MROH2B: variants seen among roughly 807,000 people sequenced by gnomAD.
The protein encoded by MROH2B is maestro heat like repeat family member 2B.
MROH2B carries 177 observed loss-of-function variants against 208.6 expected under a neutral mutation model. That is an observed-to-expected ratio of 0.85 (90% CI 0.75 to 0.96). The LOEUF is 0.96. MROH2B is among the 40% of genes least tolerant of loss of function. The pLI is 0.00. For synonymous variants in MROH2B, 728 were observed against 659.0 expected, an observed-to-expected ratio of 1.10 and a Z score of -1.60; for missense variants, 2,002 against 1,878.7, an observed-to-expected ratio of 1.07 and a Z score of -1.21.
At chr5:41,019,091 AC>A in intron 24 of MROH2B, 73 bp from the exon 25 acceptor site, 3 of 1,572,122 alleles carry the variant, frequency 1.9e-6, no homozygotes, top group Non-Finnish European at 2.6e-6. Context: ...ATTCCCAAGA[AC>A]TGCCAATCAC....
chr5:41,055,931 A>G, intron 9 of MROH2B, 76 bp from the exon 10 acceptor site: 4 of 1,014,348 alleles, frequency 3.9e-6, no homozygotes, highest in South Asian at 3.9e-5. Flanking sequence ...GAGGAGGGAA[A>G]TTCACCATGA....
At chr5:41,065,782 A>G (rs77874695) in intron 3 of MROH2B, among the ~76,000 whole-genome samples, 6,807 of 152,144 alleles carry the variant, frequency 0.045, 174 homozygotes, top group Middle Eastern at 0.068. Context: ...TAAAAGTGCA[A>G]TCAAGTTACC....
chr5:41,010,089 A>C lies in MROH2B; in HGVS notation c.3136-10T>G. ...CTAAGATCTCCAATAGCTAAAGAGA[A>C]AAAAGCCAAGTCAAACATTAAGTTG... is the stretch of plus-strand genomic sequence containing the variant. On this transcript the variant is annotated splice_polypyrimidine_tract_variant and intron_variant, in intron 30 of 41. Coordinates refer to ENST00000399564, the MANE Select transcript of MROH2B (RefSeq NM_173489.5). The C allele has an allele frequency of 6.2e-7, 1 of 1,611,318 alleles. No homozygotes were observed. The highest frequency in any genetic ancestry group is 8.5e-7 in the Non-Finnish European group (1 of 1,178,666).
chr5:41,013,898 A>G (rs1741852699), intron 29 of MROH2B, among the ~76,000 whole-genome samples: 1 of 152,090 alleles, frequency 6.6e-6, no homozygotes, highest in Non-Finnish European at 1.5e-5. Flanking sequence ...CTTGTTTCTA[A>G]TTGCCTCATT....
intron 24 of MROH2B, among the ~76,000 whole-genome samples, chr5:41,024,256 C>A (rs1331636346): frequency 2.6e-5 from 4 of 152,114 alleles, no homozygotes; most frequent in Non-Finnish European, 5.9e-5. Flanking sequence ...GATAAAGAGT[C>A]AAGACCCACC....
At chr5:41,018,513 C>G in intron 26 of MROH2B, 83 bp from the exon 27 acceptor site, 1 of 1,502,676 alleles carries the variant, frequency 6.7e-7, no homozygotes, top group Admixed American at 2.0e-5. Flanking sequence ...GTCTCTGCCT[C>G]TTTTGTAACA....
chr5:41,000,432 G>C (rs574883566), intron 38 of MROH2B, 81 bp from the exon 39 acceptor site: 2 of 1,535,108 alleles, frequency 1.3e-6, no homozygotes, highest in East Asian at 4.6e-5. Flanking sequence ...AATAGTACTG[G>C]GAAAGAAGCA....
intron 10 of MROH2B, among the ~76,000 whole-genome samples, chr5:41,055,203 C>CA (rs1743409104): frequency 6.6e-6 from 1 of 152,098 alleles, no homozygotes; most frequent in African/African-American, 2.4e-5. Flanking sequence ...CCATACTATG[C>CA]AAAAATGAAT....
rs1561273515 is a variant in MROH2B, at chr5:41,004,766, C to A, written c.4011+8G>T. ...AAATGAACCATTTCCCCTTAAAACGCCTTTTACCTTGTGAGGAGCCCCGGA... is the reference window on the plus strand; with the variant it reads ...AAATGAACCATTTCCCCTTAAAACGACTTTTACCTTGTGAGGAGCCCCGGA... On this transcript the variant is annotated splice_region_variant and intron_variant, in intron 36 of 41. Coordinates refer to ENST00000399564, the MANE Select transcript of MROH2B (RefSeq NM_173489.5). 6.2e-7 allele frequency: 1 copy of A among 1,611,560 alleles called. No homozygotes were observed. Among genetic ancestry groups the A allele is most frequent in the Non-Finnish European group, 8.5e-7 (1 of 1,179,254 alleles).
At chr5:41,041,589 A>G (rs1223562451) in intron 19 of MROH2B, among the ~76,000 whole-genome samples, 2 of 152,070 alleles carry the variant, frequency 1.3e-5, no homozygotes, top group Non-Finnish European at 2.9e-5. Flanking sequence ...GTGTCACTGC[A>G]CTCCACCCCG....
chr5:41,024,528 C>T (rs1742280563), intron 24 of MROH2B, among the ~76,000 whole-genome samples: 1 of 152,250 alleles, frequency 6.6e-6, no homozygotes, highest in Admixed American at 6.5e-5. Context: ...CACCAAGATT[C>T]ATAAAGCAAG....
At chr5:41,053,724 T>A (rs1488596786) in intron 11 of MROH2B, among the ~76,000 whole-genome samples, 1 of 152,170 alleles carries the variant, frequency 6.6e-6, no homozygotes, top group African/African-American at 2.4e-5. Context: ...TAAACTCTTC[T>A]CGTAATTCTT....
At position 41,004,824 on chromosome 5, in the gene MROH2B, G is replaced by T; in HGVS notation, c.3961C>A (p.Gln1321Lys). The change falls in exon 36 of 42, where the codon CAG (glutamine) becomes AAG (lysine). Residue 1321 changes from glutamine (Q) to lysine (K), a missense_variant. Transcript: ENST00000399564. ...SAWDSNATLR[Q>K]MAIRGLGNTA... ...TTGCCGAGCCCTCGGATGGCCATCT[G>T]CCTCAGAGTGGCGTTGGAGTCCCAG... 5 of 1,614,000 alleles carry T rather than the reference G, an allele frequency of 3.1e-6. No homozygotes were observed. The highest frequency in any genetic ancestry group is 4.2e-6 in the Non-Finnish European group (5 of 1,179,870).
chr5:41,012,631 T>C lies in MROH2B; in HGVS notation c.3087A>G (p.Ile1029Met), dbSNP rs1357473739. The C allele has an allele frequency of 6.2e-7, 1 of 1,613,776 alleles. No homozygotes were observed. The highest frequency in any genetic ancestry group is 1.7e-5 in the Admixed American group (1 of 60,004). Reference protein sequence around the residue: ...LNPTCTKACGIWMITVLKQQG... With the variant: ...LNPTCTKACGMWMITVLKQQG... Reference sequence around the variant, plus strand: ...GCTGCTTCAGGACAGTGATCATCCATATGCCACAGGCCTTTGTACAAGTGG... The same window carrying C: ...GCTGCTTCAGGACAGTGATCATCCACATGCCACAGGCCTTTGTACAAGTGG... Residue 1029 changes from isoleucine to methionine, a missense_variant, in exon 30 of 42, where the codon ATA (isoleucine) becomes ATG (methionine). Physicochemically the swap from Ile to Met is conservative, Grantham distance 10. Coordinates refer to ENST00000399564, the MANE Select transcript of MROH2B (RefSeq NM_173489.5).
Position 41,018,755 on chromosome 5 carries a change from C to T in MROH2B, c.2609G>A (p.Gly870Glu). The change falls in exon 26 of 42, where the codon GGA (glycine) becomes GAA (glutamate). Residue 870 changes from glycine (G) to glutamate (E), a missense_variant. Coordinates refer to ENST00000399564, the MANE Select transcript of MROH2B (RefSeq NM_173489.5). ...CCACATCATGGTCTTCAGAAGTTTT[C>T]CTAGGGCGTCCATGGATCGTTCATA... ...FLYERSMDALGKLLKTMMWDN... is the reference protein window; with the variant it reads ...FLYERSMDALEKLLKTMMWDN... The T allele has an allele frequency of 6.2e-7, 1 of 1,613,746 alleles. No individual in the cohort carries two copies. Among genetic ancestry groups the T allele is most frequent in the African/African-American group, 1.3e-5 (1 of 75,010 alleles).
intron 35 of MROH2B, chr5:41,005,268 G>C: frequency 1.9e-6 from 1 of 536,298 alleles, no homozygotes; most frequent in Non-Finnish European, 3.3e-6. Flanking sequence ...ACAATGCTTT[G>C]TTTGATCCCT....
chr5:41,050,962 CA>C lies in MROH2B; in HGVS notation c.1344+14del. On this transcript the variant is annotated intron_variant, in intron 13 of 41. Coordinates refer to ENST00000399564, the MANE Select transcript of MROH2B (RefSeq NM_173489.5). Reference sequence around the variant, plus strand: ...TGATCAAAGTAACTGTAAGTGGTGACAAAAGACCACTTACCTGAGGCATTCC... The same window carrying C: ...TGATCAAAGTAACTGTAAGTGGTGACAAAGACCACTTACCTGAGGCATTCC... 1.3e-6 allele frequency: 2 copies of C among 1,528,446 alleles called. No homozygotes were observed. Among genetic ancestry groups the C allele is most frequent in the Non-Finnish European group, 1.8e-6 (2 of 1,127,574 alleles). 94.7% of individuals were successfully genotyped at this position (1,528,446 alleles called of 1,614,324 possible).
intron 4 of MROH2B, among the ~76,000 whole-genome samples, chr5:41,065,044 G>A (rs1743758979): frequency 6.6e-6 from 1 of 152,192 alleles, no homozygotes; most frequent in Admixed American, 6.5e-5. Flanking sequence ...AGTGTTCAGT[G>A]GTTTATAGAA....
At chr5:41,054,895 T>A (rs561570901) in intron 10 of MROH2B, 55 bp from the exon 11 acceptor site, 29 of 1,232,966 alleles carry the variant, frequency 2.4e-5, no homozygotes, top group Non-Finnish European at 3.3e-5. Flanking sequence ...TACAGTATGT[T>A]CTAGGATTGA....
Sources: gnomAD v4.1 joint callset for allele counts (sites outside exome capture counted in the v4.1 genomes callset) on GRCh38, gnomAD v4.1.1 for gene constraint, MANE v1.5 for transcripts, NCBI Gene and HGNC (gene_info 2026-07-23, HGNC 2026-07-21) for gene names.